Variants in WDR7 observed in about 807,000 individuals in gnomAD.
WDR7 encodes WD repeat-containing protein 7.
Under a neutral mutation model 169.4 loss-of-function variants are expected in WDR7, and 46 were observed. The ratio of observed to expected loss-of-function variants is 0.27; its 90% CI spans 0.21 to 0.35. The LOEUF (loss-of-function observed/expected upper bound fraction) is 0.35. Ranked by LOEUF, WDR7 falls within the 10% of genes least tolerant of loss-of-function variation. The pLI, the probability that WDR7 is intolerant of heterozygous loss-of-function variation, is 1.00. For synonymous variants in WDR7, 612 were observed against 666.8 expected (o/e 0.92, Z 1.27); for missense variants, 1,534 against 1,859.3 (o/e 0.83, Z 3.22).
At position 57,028,060 on chromosome 18, in the gene WDR7, T is replaced by C. The variant is rs1240572324; in HGVS notation, c.*853T>C. 1.3e-5 allele frequency: 2 copies of C among 152,168 alleles called. No homozygotes were observed. Among genetic ancestry groups the C allele is most frequent in the African/African-American group, 4.8e-5 (2 of 41,448 alleles). The allele number at this position is 152,168 out of a possible 1,614,324, so 9.4% of individuals were successfully genotyped here. A position where few individuals can be genotyped will look rare whatever the true frequency, so the allele number is the denominator to read the frequency against. ...TAGCGTGTACCGAAAATGAAGACTC[T>C]CCTATCTACTGCTACAGATCCTGTT... On this transcript the variant is annotated 3_prime_UTR_variant, in exon 28 of 28. Transcript: ENST00000254442.
At chr18:56,768,837 T>A (rs1359124482) in intron 16 of WDR7, among the ~76,000 whole-genome samples, 1 of 152,264 alleles carries the variant, frequency 6.6e-6, no homozygotes, top group Non-Finnish European at 1.5e-5. Flanking sequence ...CTTGTTCAGC[T>A]GCCAAATAAT....
At chr18:56,805,049 TC>T (rs1355921275) in intron 19 of WDR7, among the ~76,000 whole-genome samples, 1 of 152,090 alleles carries the variant, frequency 6.6e-6, no homozygotes, top group Non-Finnish European at 1.5e-5. Flanking sequence ...GGGCAGACCT[TC>T]CCCACCTAGT....
At chr18:56,670,699 C>T (rs902213758) in intron 1 of WDR7, among the ~76,000 whole-genome samples, 10 of 152,020 alleles carry the variant, frequency 6.6e-5, no homozygotes, top group Admixed American at 1.3e-4. Flanking sequence ...TTAGCAGGGA[C>T]GGGGTTTCAC....
In WDR7 at chr18:56,672,556, G is replaced by T; in HGVS notation, c.41G>T (p.Gly14Val). The stretch of plus-strand genomic sequence containing the variant: ...CTTGTTCTACCCATTGTTCTTTGGG[G>T]TCGAAAAGCGCCCACACATTGCATC... ...NSLVLPIVLW[G>V]RKAPTHCISA... Residue 14 changes from glycine to valine, a missense_variant, in exon 2 of 28, where the codon GGT becomes GTT. By Grantham distance (109) the Gly-to-Val change is moderately radical. Transcript: ENST00000254442. 1 of 1,610,864 alleles carries T rather than the reference G, an allele frequency of 6.2e-7. No individual in the cohort carries two copies. The highest frequency in any genetic ancestry group is 8.5e-7 in the Non-Finnish European group (1 of 1,178,328).
intron 16 of WDR7, among the ~76,000 whole-genome samples, chr18:56,775,321 TA>T (rs1599034161): frequency 6.6e-6 from 1 of 152,094 alleles, no homozygotes; most frequent in Non-Finnish European, 1.5e-5. Context: ...GAACAAAAAT[TA>T]AAACCTGCAA....
intron 20 of WDR7, among the ~76,000 whole-genome samples, chr18:56,863,698 C>G (rs2045841639): frequency 6.6e-6 from 1 of 151,704 alleles, no homozygotes; most frequent in African/African-American, 2.4e-5. Flanking sequence ...TTAACCTTTT[C>G]TCTTGTTATC....
chr18:57,029,128 A>G lies in WDR7; in HGVS notation c.*1921A>G, dbSNP rs1266480166. 1 of 152,204 alleles carries G rather than the reference A, an allele frequency of 6.6e-6. No individual in the cohort carries two copies. The highest frequency in any genetic ancestry group is 1.5e-5 in the Non-Finnish European group (1 of 68,026). The allele number at this position is 152,204 out of a possible 1,614,324, so 9.4% of individuals were successfully genotyped here. The stretch of plus-strand genomic sequence containing the variant: ...TGATGAGGTAAATGTATACCTTAGC[A>G]TTTTCTTTAACAAAAATGTTCTGTG... On this transcript the variant is annotated 3_prime_UTR_variant, in exon 28 of 28. Coordinates refer to ENST00000254442, the MANE Select transcript of WDR7 (RefSeq NM_015285.3).
chr18:56,847,230 G>C (rs1032573523), intron 20 of WDR7, among the ~76,000 whole-genome samples: 1 of 152,144 alleles, frequency 6.6e-6, no homozygotes, highest in Admixed American at 6.5e-5. Flanking sequence ...TGGTTACATT[G>C]TGTCCAGACC....
At chr18:56,717,020 C>T (rs894513914) in intron 12 of WDR7, among the ~76,000 whole-genome samples, 1 of 152,116 alleles carries the variant, frequency 6.6e-6, no homozygotes, top group Non-Finnish European at 1.5e-5. Context: ...CGTGTTTTTT[C>T]TTTAGATCCC....
intron 12 of WDR7, among the ~76,000 whole-genome samples, chr18:56,706,856 T>C (rs2025968118): frequency 6.6e-6 from 1 of 151,634 alleles, no homozygotes; most frequent in Non-Finnish European, 1.5e-5. Context: ...CCCAGCTAAT[T>C]TTTGTATTTT....
At chr18:56,983,230 T>C (rs1336190425) in intron 26 of WDR7, among the ~76,000 whole-genome samples, 1 of 152,226 alleles carries the variant, frequency 6.6e-6, no homozygotes. Flanking sequence ...TATTTGATAA[T>C]GAAAAGGTTC....
At chr18:56,839,323 G>A (rs1002080184) in intron 20 of WDR7, among the ~76,000 whole-genome samples, 1 of 152,038 alleles carries the variant, frequency 6.6e-6, no homozygotes, top group Non-Finnish European at 1.5e-5. Context: ...TTTAATAGTT[G>A]TCAGCATATA....
At chr18:56,686,756 A>T in intron 6 of WDR7, 99 bp from the exon 7 acceptor site, 1 of 1,016,332 alleles carries the variant, frequency 9.8e-7, no homozygotes. Flanking sequence ...TGAACATATG[A>T]AGCGATGCCT....
intron 19 of WDR7, among the ~76,000 whole-genome samples, chr18:56,804,289 A>G (rs1247380040): frequency 1.3e-5 from 2 of 152,256 alleles, no homozygotes. Context: ...CTCAAACTCT[A>G]AAATTCCAAA....
intron 26 of WDR7, among the ~76,000 whole-genome samples, chr18:57,014,330 C>A (rs1280517938): frequency 1.8e-5 from 1 of 54,616 alleles, no homozygotes; most frequent in Non-Finnish European, 4.6e-5. Context: ...AAGACTCCAT[C>A]TCAAAAAAAA....
chr18:56,714,242 G>C, intron 12 of WDR7, among the ~76,000 whole-genome samples: 1 of 151,988 alleles, frequency 6.6e-6, no homozygotes. Flanking sequence ...TATTTAAAAA[G>C]CACAGAACCA....
chr18:56,799,013 A>G (rs1043937173), intron 19 of WDR7, among the ~76,000 whole-genome samples: 2 of 152,178 alleles, frequency 1.3e-5, no homozygotes, highest in Admixed American at 6.6e-5. Context: ...CCAAACAGCT[A>G]TAGGCTGGAG....
chr18:56,781,657 G>A lies in WDR7; in HGVS notation c.3190+1G>A, dbSNP rs756108446. On this transcript the variant is annotated splice_donor_variant, in intron 19 of 27. Coordinates refer to ENST00000254442, the MANE Select transcript of WDR7 (RefSeq NM_015285.3). LOFTEE classifies it high-confidence loss of function. ...CAGTACATAGACCACGTCATATCAC[G>A]TAAGAGTTCTCATGCTTCTCTACAA... 2 of 1,589,930 alleles carry A rather than the reference G, an allele frequency of 1.3e-6. No individual in the cohort carries two copies. Among genetic ancestry groups the A allele is most frequent in the Non-Finnish European group, 8.6e-7 (1 of 1,167,842 alleles).
rs573414258 is a variant in WDR7, at chr18:57,010,723, G to T, written c.4165-10022G>T. ...ATTGTTACTTTATCCTGGAAATATT[G>T]GGCCTAATAAATCAGAAGAACAGGG... On this transcript the variant is annotated intron_variant, in intron 26 of 27. Coordinates refer to ENST00000254442, the MANE Select transcript of WDR7 (RefSeq NM_015285.3). Among the ~76,000 whole-genome samples, 25 of 152,174 alleles carry T rather than the reference G, an allele frequency of 1.6e-4. No homozygotes were observed. In the South Asian group the frequency reaches 3.9e-3, roughly 24 times the overall value.
Sources: gnomAD v4.1 joint callset for allele counts (sites outside exome capture counted in the v4.1 genomes callset) on GRCh38, gnomAD v4.1.1 for gene constraint, MANE v1.5 for transcripts, NCBI Gene and HGNC (gene_info 2026-07-23, HGNC 2026-07-21) for gene names.